Variants in NAV3 observed in about 807,000 individuals in gnomAD.
The protein encoded by NAV3 is pore membrane and/or filament interacting like protein 1.
In NAV3, 87 loss-of-function variants were observed where a neutral mutation model predicts 244.7. The ratio of observed to expected loss-of-function variants is 0.36; its 90% CI spans 0.30 to 0.42. NAV3 has a LOEUF of 0.42. NAV3 is among the 20% of genes least tolerant of loss of function. NAV3 has a pLI of 1.00. For missense variants in NAV3, 2,663 were observed against 2,893.3 expected (o/e 0.92, Z 1.83); for synonymous variants, 1,126 against 1,042.2 (o/e 1.08, Z -1.55).
intron 5 of NAV3, among the ~76,000 whole-genome samples, chr12:77,973,867 T>G (rs571288965): frequency 6.6e-6 from 1 of 152,058 alleles, no homozygotes; most frequent in Admixed American, 6.5e-5. Flanking sequence ...AAAAAAAAAG[T>G]CAGTTAATCG....
intron 11 of NAV3, among the ~76,000 whole-genome samples, chr12:78,053,705 A>G (rs1174146726): frequency 6.6e-6 from 1 of 152,198 alleles, no homozygotes; most frequent in African/African-American, 2.4e-5. Flanking sequence ...ACATGGCACT[A>G]AATAGGCCAT....
At chr12:77,822,769 T>C (rs1872799389) in intron 2 of NAV3, among the ~76,000 whole-genome samples, 2 of 152,218 alleles carry the variant, frequency 1.3e-5, no homozygotes, top group Admixed American at 6.5e-5. Flanking sequence ...AACTTGTTAG[T>C]ACGAGTCATT....
chr12:78,188,705 C>T lies in NAV3; in HGVS notation c.5983C>T (p.Leu1995=), dbSNP rs756793687. 1.2e-5 allele frequency: 20 copies of T among 1,612,448 alleles called. No homozygotes were observed. Among genetic ancestry groups the T allele is most frequent in the Non-Finnish European group, 1.4e-5 (17 of 1,178,992 alleles). ...CIGDLIRSHN[L]EVPELLPCGY... ...AGGAGACTTAATTAGATCCCATAAC[C>T]TAGAAGTGCCTGAATTGCTGCCTTG... Residue 1995 remains leucine (L), a synonymous_variant, in exon 33 of 40, where the codon CTA becomes TTA. Transcript: ENST00000397909.
At position 77,946,248 on chromosome 12, in the gene NAV3, T is replaced by A. The variant is rs1055880214; in HGVS notation, c.414+5115T>A. ...GTAAATATATGTGCGTATGTGTGTG[T>A]GTGTGTGTGTGCGCGTGCACCTTAT... On this transcript the variant is annotated intron_variant, in intron 3 of 39. Transcript: ENST00000397909. Among the ~76,000 whole-genome samples the A allele has an allele frequency of 2.1e-4, 24 of 112,058 alleles. 1 individual carries two copies. In the Middle Eastern group the frequency reaches 0.016, roughly 74 times the overall value. 73.5% of individuals were successfully genotyped at this position (112,058 alleles called of 152,430 possible). A position where few individuals can be genotyped will look rare whatever the true frequency, so the allele number is the denominator to read the frequency against.
rs557740925 is a variant in NAV3 at position 77,635,786 on chromosome 12, C to T, written c.72+63520C>T. Among the ~76,000 whole-genome samples the T allele has an allele frequency of 7.9e-5, 12 of 152,004 alleles. No individual in the cohort carries two copies. The South Asian group carries it at 1.0e-3, about 13-fold the overall frequency. Reference sequence around the variant, plus strand: ...CTTCATTTAATCTTCTAAAAAAAACCGCTGTGAGGTAGGAACAATTAGAAT... The same window carrying T: ...CTTCATTTAATCTTCTAAAAAAAACTGCTGTGAGGTAGGAACAATTAGAAT... On this transcript the variant is annotated intron_variant, in intron 2 of 8. Coordinates refer to the NAV3 transcript ENST00000550042.
At chr12:77,799,678 T>C (rs1483312365) in intron 2 of NAV3, among the ~76,000 whole-genome samples, 1 of 152,074 alleles carries the variant, frequency 6.6e-6, no homozygotes, top group African/African-American at 2.4e-5. Flanking sequence ...GAAAATGAAA[T>C]ACCAAGAGGC....
chr12:78,166,765 G>A (rs967124032), intron 23 of NAV3, among the ~76,000 whole-genome samples: 1 of 151,690 alleles, frequency 6.6e-6, no homozygotes, highest in African/African-American at 2.4e-5. Context: ...GAGATTTCTT[G>A]TGAAAAGCTG....
At position 78,146,393 on chromosome 12, in the gene NAV3, G is replaced by T; in HGVS notation, c.4707+1G>T. 1 of 1,038,488 alleles carries T rather than the reference G, an allele frequency of 9.6e-7. No homozygotes were observed. The highest frequency in any genetic ancestry group is 1.3e-6 in the Non-Finnish European group (1 of 772,678). 64.3% of individuals were successfully genotyped at this position (1,038,488 alleles called of 1,614,324 possible). A position where few individuals can be genotyped will look rare whatever the true frequency, so the allele number is the denominator to read the frequency against. ...GGCTGAAGAAAAGGCTCATTCAGAG[G>T]TAAAAAAAAAATATGCAATATTTTA... On this transcript the variant is annotated splice_donor_variant, in intron 21 of 39. Coordinates refer to ENST00000397909, the MANE Select transcript of NAV3 (RefSeq NM_001024383.2). LOFTEE classifies it high-confidence loss of function.
At chr12:77,942,251 A>G (rs1287816885) in intron 3 of NAV3, among the ~76,000 whole-genome samples, 2 of 152,092 alleles carry the variant, frequency 1.3e-5, no homozygotes, top group Non-Finnish European at 2.9e-5. Flanking sequence ...GCATGCCTAT[A>G]ATCCCAGCTA....
chr12:78,002,476 T>C (rs1449591251), intron 7 of NAV3, among the ~76,000 whole-genome samples: 1 of 152,210 alleles, frequency 6.6e-6, no homozygotes, highest in African/African-American at 2.4e-5. Flanking sequence ...ATGCCAAGGA[T>C]TTAGCAACAT....
In NAV3 at chr12:78,140,253, A is replaced by T. The variant is rs751991841; in HGVS notation, c.4631-29A>T. ...ATTTTTGAGTAGACCTTATTGTTTTAACTCTATTGTTCTGTTTGTTTTCTC... is the reference window on the plus strand; with the variant it reads ...ATTTTTGAGTAGACCTTATTGTTTTTACTCTATTGTTCTGTTTGTTTTCTC... On this transcript the variant is annotated intron_variant, in intron 19 of 39. Transcript: ENST00000397909. 5 of 1,602,610 alleles carry T rather than the reference A, an allele frequency of 3.1e-6. No homozygotes were observed. In the African/African-American group the frequency reaches 5.4e-5, roughly 17 times the overall value.
intron 19 of NAV3, among the ~76,000 whole-genome samples, chr12:78,137,621 A>G (rs1187053900): frequency 2.0e-5 from 3 of 152,214 alleles, no homozygotes; most frequent in Non-Finnish European, 4.4e-5. Flanking sequence ...TTTCCAATAC[A>G]GAAATATACA....
At chr12:77,778,108 C>T (rs1398375349) in intron 2 of NAV3, among the ~76,000 whole-genome samples, 2 of 149,694 alleles carry the variant, frequency 1.3e-5, no homozygotes, top group Non-Finnish European at 3.0e-5. Context: ...TGTAAGTTTC[C>T]TCCTTCCTTT....
At chr12:77,686,622 C>G (rs1874765065) in intron 2 of NAV3, among the ~76,000 whole-genome samples, 1 of 151,968 alleles carries the variant, frequency 6.6e-6, no homozygotes, top group African/African-American at 2.4e-5. Flanking sequence ...GTGCTCAGTA[C>G]TTTTCATGTA....
chr12:77,748,577 A>G (rs1190657209), intron 2 of NAV3, among the ~76,000 whole-genome samples: 2 of 152,240 alleles, frequency 1.3e-5, no homozygotes, highest in African/African-American at 2.4e-5. Flanking sequence ...AGAAAATCCT[A>G]ACATTTGTGA....
At chr12:78,076,519 G>T (rs1277494285) in intron 12 of NAV3, among the ~76,000 whole-genome samples, 1 of 151,988 alleles carries the variant, frequency 6.6e-6, no homozygotes, top group Non-Finnish European at 1.5e-5. Flanking sequence ...TGTATATTTT[G>T]CCATCATATG....
rs112249054 is a variant in NAV3 at position 77,741,176 on chromosome 12, G to T, written c.72+168910G>T. On this transcript the variant is annotated intron_variant, in intron 2 of 8. Coordinates refer to the NAV3 transcript ENST00000550042. ...AAAAAAAAAAAAAAAAGAAAAGAAA[G>T]AAAAAGAAAAAGAAAATCCAGTTGG... Among the ~76,000 whole-genome samples the T allele has an allele frequency of 2.8e-3, 238 of 85,832 alleles. 1 individual carries two copies. The highest frequency in any genetic ancestry group is 8.6e-3 in the African/African-American group (212 of 24,706). 56.3% of individuals were successfully genotyped at this position (85,832 alleles called of 152,430 possible).
chr12:77,627,532 T>C (rs1871690955), intron 2 of NAV3, among the ~76,000 whole-genome samples: 1 of 152,074 alleles, frequency 6.6e-6, no homozygotes, highest in African/African-American at 2.4e-5. Context: ...CCTGGACACA[T>C]ACAACCTTCC....
At position 77,831,173 on chromosome 12, in the gene NAV3, GAGAGAGAGAGAGAGAGAGAGAC is replaced by G. The variant is rs1441016779; in HGVS notation, c.-267_-246del. 1.5e-3 allele frequency: 166 copies of G among 112,644 alleles called. 1 individual carries two copies. Among genetic ancestry groups the G allele is most frequent in the African/African-American group, 5.0e-3 (148 of 29,732 alleles). The allele number at this position is 112,644 out of a possible 1,614,324, so 7.0% of individuals were successfully genotyped here. On this transcript the variant is annotated 5_prime_UTR_variant, in exon 1 of 40. Coordinates refer to ENST00000397909, the MANE Select transcript of NAV3 (RefSeq NM_001024383.2). ...GAACAGAGAGAGAGAGAGAGACAGA[GAGAGAGAGAGAGAGAGAGAGAC>G]AGAGAGAGAGAGAGAGAGAGAGAAA...
Sources: allele counts gnomAD v4.1 joint callset (sites outside exome capture counted in the v4.1 genomes callset), GRCh38; gene constraint gnomAD v4.1.1; transcripts MANE v1.5; gene names NCBI Gene and HGNC (gene_info 2026-07-23, HGNC 2026-07-21).